Variants in SLCO1A2 observed in about 807,000 individuals in gnomAD.
The protein encoded by SLCO1A2 is OATP-1.
In SLCO1A2, 67 loss-of-function variants were observed where a neutral mutation model predicts 69.0. The ratio of observed to expected loss-of-function variants is 0.97; its 90% confidence interval spans 0.80 to 1.19. The LOEUF is 1.19. Among genes scored for constraint, SLCO1A2 ranks in the 50% most tolerant of loss-of-function variants. SLCO1A2 has a pLI of 0.00. For synonymous variants in SLCO1A2, 260 were observed against 265.9 expected (o/e 0.98, Z 0.22); for missense variants, 787 against 793.7 (o/e 0.99, Z 0.10).
intron 2 of SLCO1A2, among the ~76,000 whole-genome samples, chr12:21,320,583 C>T (rs1472462875): frequency 6.6e-6 from 1 of 152,098 alleles, no homozygotes; most frequent in Non-Finnish European, 1.5e-5. Context: ...ACTGCAACCT[C>T]CACCTCCTGG....
intron 3 of SLCO1A2, 80 bp from the exon 4 acceptor site, chr12:21,314,761 C>T (rs575644055): frequency 7.0e-6 from 7 of 996,268 alleles, no homozygotes; most frequent in African/African-American, 1.6e-5. Context: ...CATTTACATT[C>T]TAGCATTTAC....
intron 1 of SLCO1A2, among the ~76,000 whole-genome samples, chr12:21,408,899 A>G (rs981394987): frequency 6.6e-6 from 1 of 152,194 alleles, no homozygotes; most frequent in Non-Finnish European, 1.5e-5. Context: ...CAACTTCCAA[A>G]TAACTGGTAG....
At chr12:21,336,193 A>G (rs901005410), upstream of SLCO1A2, among the ~76,000 whole-genome samples, 5 of 152,152 alleles carry the variant, frequency 3.3e-5, no homozygotes, top group African/African-American at 9.6e-5. Flanking sequence ...TAGTCACCGT[A>G]TCAAACACTA....
intron 1 of SLCO1A2, chr12:21,417,829 A>C (rs1244194003): frequency 6.6e-6 from 1 of 152,128 alleles, no homozygotes; most frequent in African/African-American, 2.4e-5. Context: ...TAATGTACAT[A>C]TATATTAAAA....
intron 1 of SLCO1A2, among the ~76,000 whole-genome samples, chr12:21,391,205 T>A (rs1941134433): frequency 6.6e-6 from 1 of 152,148 alleles, no homozygotes; most frequent in African/African-American, 2.4e-5. Flanking sequence ...TAGCATGGAT[T>A]TTAACACCAA....
Position 21,266,839 on chromosome 12 carries a change from C to T in SLCO1A2, c.*2709G>A, listed in dbSNP as rs576162916. 6.6e-6 allele frequency: 1 copy of T among 152,144 alleles called. No homozygotes were observed. Among genetic ancestry groups the T allele is most frequent in the Admixed American group, 6.5e-5 (1 of 15,274 alleles). The allele number at this position is 152,144 out of a possible 1,614,324, so 9.4% of individuals were successfully genotyped here. A position where few individuals can be genotyped will look rare whatever the true frequency, so the allele number is the denominator to read the frequency against. ...AACCATAGGTGGATTCACAAAGAAA[C>T]TGTGTAAGCATCTGTAAATATAGGT... On this transcript the variant is annotated 3_prime_UTR_variant, in exon 15 of 15. Transcript: ENST00000683939.
chr12:21,382,229 T>A (rs913325576), intron 1 of SLCO1A2, among the ~76,000 whole-genome samples: 1 of 151,886 alleles, frequency 6.6e-6, no homozygotes, highest in African/African-American at 2.4e-5. Flanking sequence ...ACAACAAGAG[T>A]GGAAAACCAA....
upstream of SLCO1A2, among the ~76,000 whole-genome samples, chr12:21,336,691 C>A (rs1023168762): frequency 1.3e-5 from 2 of 151,950 alleles, no homozygotes; most frequent in African/African-American, 4.8e-5. Context: ...TAAAATCCAA[C>A]GGTTAATATC....
chr12:21,371,622 C>A (rs1376524857), intron 2 of SLCO1A2, among the ~76,000 whole-genome samples: 1 of 152,118 alleles, frequency 6.6e-6, no homozygotes, highest in East Asian at 1.9e-4. Context: ...CAGGCATGCA[C>A]ATTTTCACTG....
At chr12:21,296,484 C>G (rs543073124) in intron 9 of SLCO1A2, among the ~76,000 whole-genome samples, 32 of 152,210 alleles carry the variant, frequency 2.1e-4, no homozygotes, top group African/African-American at 7.0e-4. Flanking sequence ...CTCAAGTGAT[C>G]CTCACTCCTC....
At position 21,267,392 on chromosome 12, in the gene SLCO1A2, A is replaced by G. The variant is rs954771395; in HGVS notation, c.*2156T>C. ...ATGATGAATGGGCCTCAGGAGCTTG[A>G]GTAAGTTTTTGCTTATTCAGTTTTG... is the stretch of plus-strand genomic sequence containing the variant. On this transcript the variant is annotated 3_prime_UTR_variant, in exon 15 of 15. Transcript: ENST00000683939. 6.6e-6 allele frequency: 1 copy of G among 152,052 alleles called. No homozygotes were observed. The allele number at this position is 152,052 out of a possible 1,614,324, so 9.4% of individuals were successfully genotyped here.
upstream of SLCO1A2, among the ~76,000 whole-genome samples, chr12:21,398,194 C>A (rs905608953): frequency 2.7e-5 from 4 of 150,778 alleles, 1 homozygote; most frequent in Non-Finnish European, 5.9e-5. Flanking sequence ...AAGGGGATGT[C>A]ACCACCGATC....
chr12:21,299,774 A>G (rs1234470547), intron 8 of SLCO1A2, among the ~76,000 whole-genome samples: 2 of 114,820 alleles, frequency 1.7e-5, no homozygotes, highest in Admixed American at 8.0e-5. Context: ...ACGTGTGTAT[A>G]TATATATATA....
intron 3 of SLCO1A2, 138 bp downstream of exon 3, chr12:21,318,644 C>G: frequency 3.3e-6 from 2 of 610,620 alleles, no homozygotes. Context: ...CTAAGCTTAG[C>G]TAATCAGTTA....
At chr12:21,382,824 G>A (rs1940674091) in intron 1 of SLCO1A2, among the ~76,000 whole-genome samples, 1 of 149,494 alleles carries the variant, frequency 6.7e-6, no homozygotes, top group Admixed American at 6.7e-5. Context: ...GAAAAGAAAC[G>A]AAAAAAGAAA....
Position 21,352,495 on chromosome 12 carries a change from A to G in SLCO1A2, c.-62-17786T>C, listed in dbSNP as rs575874562. Reference sequence around the variant, plus strand: ...CATTTATTTGAATCTTCCTATTAATAGTGCTACTACAGCTATGTGTGGTTG... The same window carrying G: ...CATTTATTTGAATCTTCCTATTAATGGTGCTACTACAGCTATGTGTGGTTG... On this transcript the variant is annotated intron_variant, in intron 2 of 15. Coordinates refer to the SLCO1A2 transcript ENST00000307378. Among the ~76,000 whole-genome samples, 16 of 152,328 alleles carry G rather than the reference A, an allele frequency of 1.1e-4. No individual in the cohort carries two copies. The South Asian group carries it at 1.4e-3, about 14-fold the overall frequency.
intron 2 of SLCO1A2, among the ~76,000 whole-genome samples, chr12:21,351,974 G>C (rs1193807165): frequency 6.6e-6 from 1 of 151,988 alleles, no homozygotes; most frequent in Non-Finnish European, 1.5e-5. Context: ...CCCTTAGGAG[G>C]ACTTTTCCTG....
intron 4 of SLCO1A2, among the ~76,000 whole-genome samples, chr12:21,312,267 C>T (rs1029612015): frequency 3.3e-5 from 5 of 152,204 alleles, no homozygotes. Context: ...CCTTAAACCT[C>T]ATGAACCCAC....
intron 2 of SLCO1A2, among the ~76,000 whole-genome samples, chr12:21,363,193 G>A (rs11502425): frequency 0.32 from 49,151 of 151,818 alleles, 8,257 homozygotes; most frequent in East Asian, 0.46. Flanking sequence ...ATAACAAACT[G>A]TCTCTCAGAC....
Sources: allele counts gnomAD v4.1 joint callset (sites outside exome capture counted in the v4.1 genomes callset), GRCh38; gene constraint gnomAD v4.1.1; transcripts MANE v1.5; gene names NCBI Gene and HGNC (gene_info 2026-07-23, HGNC 2026-07-21).